Variants in FLT4 observed in about 807,000 individuals in gnomAD.
FLT4 encodes the protein vascular endothelial growth factor receptor 3.
A neutral mutation model predicts 163.2 loss-of-function variants in FLT4; 30 were observed. That is an observed-to-expected ratio of 0.18 (90% CI 0.14 to 0.25). The LOEUF is 0.25. Ranked by LOEUF, FLT4 falls within the 10% of genes least tolerant of loss-of-function variation. FLT4 has a pLI of 1.00. For missense variants in FLT4, 1,510 were observed against 1,863.8 expected (o/e 0.81, Z 3.50); for synonymous variants, 884 against 789.5 (o/e 1.12, Z -2.01).
chr5:180,638,118 C>G (rs1764823107), intron 1 of FLT4, among the ~76,000 whole-genome samples: 1 of 152,194 alleles, frequency 6.6e-6, no homozygotes, highest in South Asian at 2.1e-4. Flanking sequence ...CTCTGCCCAA[C>G]ACACAGTGCT....
rs187946935 is a variant in FLT4, at chr5:180,603,858, C to T, written c.3894-468G>A. ...GGCGGAGCTTGCAGTGAGCTGAGAT[C>T]GCACCACTGCACTCCAGCCTGGGCG... On this transcript the variant is annotated intron_variant, in intron 29 of 29. Coordinates refer to ENST00000261937, the MANE Select transcript of FLT4 (RefSeq NM_182925.5). Among the ~76,000 whole-genome samples the T allele has an allele frequency of 3.6e-3, 542 of 151,442 alleles. 4 individuals carry two copies. Among genetic ancestry groups the T allele is most frequent in the African/African-American group, 0.013 (520 of 41,154 alleles).
At chr5:180,613,377 G>A (rs1046582676) in intron 24 of FLT4, 6 of 435,948 alleles carry the variant, frequency 1.4e-5, no homozygotes, top group Non-Finnish European at 2.0e-5. Context: ...ACCCACTGGC[G>A]ACACGGTAGA....
intron 29 of FLT4, among the ~76,000 whole-genome samples, chr5:180,606,473 C>T (rs1291045296): frequency 3.9e-5 from 6 of 152,202 alleles, no homozygotes; most frequent in Non-Finnish European, 8.8e-5. Flanking sequence ...ATGGTGCAGG[C>T]TCAGCCGTGC....
intron 22 of FLT4, 96 bp downstream of exon 22, chr5:180,616,804 A>G: frequency 1.0e-6 from 1 of 988,704 alleles, no homozygotes; most frequent in Admixed American, 1.7e-5. Flanking sequence ...GATGGACCAC[A>G]GAGCCATTGC....
At chr5:180,622,037 C>T (rs1252826824) in intron 12 of FLT4, 133 bp from the exon 13 acceptor site, 2 of 1,014,874 alleles carry the variant, frequency 2.0e-6, no homozygotes, top group Non-Finnish European at 1.4e-6. Flanking sequence ...CTGCTTGCCC[C>T]CCGCCCCACC....
intron 1 of FLT4, among the ~76,000 whole-genome samples, chr5:180,632,529 C>G (rs958072936): frequency 9.9e-5 from 15 of 152,148 alleles, no homozygotes; most frequent in Admixed American, 9.8e-4. Flanking sequence ...AGACTGTAGG[C>G]TGGCCGGGCT....
intron 29 of FLT4, 129 bp from the exon 30 acceptor site, chr5:180,603,519 C>A: frequency 1.2e-6 from 1 of 824,964 alleles, no homozygotes; most frequent in Admixed American, 2.0e-5. Context: ...AGAGTCCAGC[C>A]CAGGCAACAT....
At chr5:180,643,653 C>T (rs902220318) in intron 1 of FLT4, among the ~76,000 whole-genome samples, 4 of 152,030 alleles carry the variant, frequency 2.6e-5, no homozygotes, top group African/African-American at 4.8e-5. Context: ...GCCACCCACC[C>T]GGTGCGGCTC....
At chr5:180,607,647 AAAAAT>A (rs1761873856) in intron 29 of FLT4, among the ~76,000 whole-genome samples, 1 of 141,878 alleles carries the variant, frequency 7.0e-6, no homozygotes, top group Non-Finnish European at 1.6e-5. Flanking sequence ...TCAAAAAAAA[AAAAAT>A]ACATACATAC....
intron 1 of FLT4, among the ~76,000 whole-genome samples, chr5:180,632,792 G>T (rs1764287808): frequency 6.6e-6 from 1 of 152,206 alleles, no homozygotes; most frequent in Non-Finnish European, 1.5e-5. Context: ...TCACACATGA[G>T]TGTGTATGTG....
Position 180,622,926 on chromosome 5 carries a change from C to CCG in FLT4, c.1549-88_1549-87insCG, listed in dbSNP as rs113248876. Reference sequence around the variant, plus strand: ...CTTTCTGCAAGGAGGTCGCTGTGCACCACCCCCCCCAATCATGGGGGAAAC... The same window carrying CCG: ...CTTTCTGCAAGGAGGTCGCTGTGCACCGCACCCCCCCCAATCATGGGGGAAAC... On this transcript the variant is annotated intron_variant, in intron 11 of 29. Transcript: ENST00000261937. The CCG allele has an allele frequency of 4.1e-5, 21 of 506,258 alleles. No homozygotes were observed. The African/African-American group carries it at 5.2e-4, about 13-fold the overall frequency. 31.4% of individuals were successfully genotyped at this position (506,258 alleles called of 1,614,324 possible). A position where few individuals can be genotyped will look rare whatever the true frequency, so the allele number is the denominator to read the frequency against.
intron 1 of FLT4, among the ~76,000 whole-genome samples, chr5:180,648,580 ACCAGCTCCGTGGGGACTC>A (rs1353757042): frequency 6.6e-6 from 1 of 152,104 alleles, no homozygotes; most frequent in Non-Finnish European, 1.5e-5. Flanking sequence ...TTCCAGGGAC[ACCAGCTCCGTGGGGACTC>A]CCAGCTCATC....
At chr5:180,612,430 T>C in intron 26 of FLT4, 76 bp downstream of exon 26, 1 of 1,082,654 alleles carries the variant, frequency 9.2e-7, no homozygotes, top group Non-Finnish European at 1.4e-6. Context: ...TAGATGGGCT[T>C]GGAGGGGCAG....
At chr5:180,615,150 C>T (rs1164055836) in intron 23 of FLT4, among the ~76,000 whole-genome samples, 2 of 148,372 alleles carry the variant, frequency 1.3e-5, no homozygotes, top group Non-Finnish European at 3.0e-5. Context: ...ACTGCGGCCC[C>T]GCTGGTCACC....
In FLT4 at chr5:180,620,328, AG is replaced by A. The variant is rs766327848; in HGVS notation, c.2407-21del. 2.1e-5 allele frequency: 33 copies of A among 1,608,644 alleles called. No homozygotes were observed. Among genetic ancestry groups the A allele is most frequent in the Non-Finnish European group, 2.6e-5 (31 of 1,179,774 alleles). On this transcript the variant is annotated intron_variant, in intron 16 of 29. Coordinates refer to ENST00000261937, the MANE Select transcript of FLT4 (RefSeq NM_182925.5). This position sits in a 1 kb window ranked among gnomAD's most constrained non-coding sequence, Gnocchi z 4.4. ...GGCCGGCTGCGGGGAGGGGACAGGG[AG>A]GAGTGGGGCAGCTCACTGATTTGGC...
chr5:180,613,301 C>T, intron 24 of FLT4, 191 bp from the exon 25 acceptor site: 2 of 549,212 alleles, frequency 3.6e-6, no homozygotes, highest in Non-Finnish European at 6.4e-6. Context: ...CTGCCCTCCC[C>T]AGCTCTAGTT....
Position 180,613,168 on chromosome 5 carries a change from C to T in FLT4, c.3332-58G>A, listed in dbSNP as rs1762346763. ...AAGCCTCCTGCGGCTCAGCCCAGCC[C>T]CCCAAGTCACCCCATCCTGTCCCTT... is the stretch of plus-strand genomic sequence containing the variant. On this transcript the variant is annotated intron_variant, in intron 24 of 29. Transcript: ENST00000261937. 2.6e-6 allele frequency: 3 copies of T among 1,175,434 alleles called. No homozygotes were observed. In the South Asian group the frequency reaches 3.8e-5, roughly 15 times the overall value. 72.8% of individuals were successfully genotyped at this position (1,175,434 alleles called of 1,614,324 possible). A position where few individuals can be genotyped will look rare whatever the true frequency, so the allele number is the denominator to read the frequency against.
Position 180,636,123 on chromosome 5 carries a change from A to G in FLT4, c.59-4345T>C, listed in dbSNP as rs1202706997. Among the ~76,000 whole-genome samples the G allele has an allele frequency of 6.6e-6, 1 of 152,024 alleles. No homozygotes were observed. Among genetic ancestry groups the G allele is most frequent in the African/African-American group, 2.4e-5 (1 of 41,354 alleles). ...CCGTGCCACCAAAGGAAGCACCTGC[A>G]TCACTGCTGAGCAGGACCATCCATC... On this transcript the variant is annotated intron_variant, in intron 1 of 29. Coordinates refer to ENST00000261937, the MANE Select transcript of FLT4 (RefSeq NM_182925.5). This position sits in a 1 kb window ranked among gnomAD's most constrained non-coding sequence, Gnocchi z 4.3.
intron 20 of FLT4, 49 bp downstream of exon 20, chr5:180,618,972 C>G: frequency 6.4e-7 from 1 of 1,554,620 alleles, no homozygotes; most frequent in Non-Finnish European, 8.7e-7. Context: ...GCCGCAGAGG[C>G]GCCTCCATTC....
Sources: gnomAD v4.1 joint callset for allele counts (sites outside exome capture counted in the v4.1 genomes callset) on GRCh38, gnomAD v4.1.1 for gene constraint, Gnocchi (gnomAD v3.1) non-coding constraint, MANE v1.5 for transcripts, NCBI Gene and HGNC (gene_info 2026-07-23, HGNC 2026-07-21) for gene names.